Variants in MTMR3 observed in about 807,000 individuals in gnomAD.
MTMR3 encodes the protein phosphatidylinositol-3,5-bisphosphate 3-phosphatase MTMR3.
A neutral mutation model predicts 132.4 loss-of-function variants in MTMR3; 32 were observed. The ratio of observed to expected loss-of-function variants is 0.24; its 90% CI spans 0.18 to 0.32. The LOEUF is 0.32. Ranked by LOEUF, MTMR3 falls within the 10% of genes least tolerant of loss-of-function variation. The probability of loss-of-function intolerance (pLI) is 1.00; values close to 1 mark genes in which losing one functional copy is unlikely to be tolerated. For synonymous variants in MTMR3, 556 were observed against 550.3 expected (o/e 1.01, Z -0.14); for missense variants, 1,216 against 1,489.6 (o/e 0.82, Z 3.02).
chr22:29,911,552 T>C (rs1056790965), intron 1 of MTMR3, among the ~76,000 whole-genome samples: 2 of 150,786 alleles, frequency 1.3e-5, no homozygotes, highest in Non-Finnish European at 3.0e-5. Context: ...CAAAAAATTT[T>C]TTTTTAATTT....
intron 2 of MTMR3, among the ~76,000 whole-genome samples, chr22:29,959,814 A>G (rs1395600616): frequency 1.4e-5 from 2 of 147,970 alleles, no homozygotes; most frequent in African/African-American, 5.0e-5. Context: ...GTTGGAATGC[A>G]GTGGTGTGAT....
At chr22:29,980,164 A>ATC (rs1234720586) in intron 5 of MTMR3, 1 of 55,144 alleles carries the variant, frequency 1.8e-5, no homozygotes, top group Non-Finnish European at 3.3e-5. Flanking sequence ...ATTCTTTGAA[A>ATC]TCTTGTTCAT....
In MTMR3 at chr22:30,026,748, G is replaced by C. The variant is rs1004038949; in HGVS notation, c.*947G>C. The C allele has an allele frequency of 6.5e-6, 1 of 152,882 alleles. No homozygotes were observed. Among genetic ancestry groups the C allele is most frequent in the African/African-American group, 2.4e-5 (1 of 41,448 alleles). The allele number at this position is 152,882 out of a possible 1,614,324, so 9.5% of individuals were successfully genotyped here. A position where few individuals can be genotyped will look rare whatever the true frequency, so the allele number is the denominator to read the frequency against. On this transcript the variant is annotated 3_prime_UTR_variant, in exon 20 of 20. Transcript: ENST00000401950. ...CAGCACAGGGAAATCCAGACTCAGG[G>C]TTCCAGAAATCCCCCGTTCCCAAAC... is the stretch of plus-strand genomic sequence containing the variant.
At chr22:29,964,442 T>A (rs931199180) in intron 2 of MTMR3, among the ~76,000 whole-genome samples, 1 of 152,218 alleles carries the variant, frequency 6.6e-6, no homozygotes, top group Non-Finnish European at 1.5e-5. Context: ...TTGCACAGTT[T>A]CCTGTGATCT....
chr22:29,959,314 C>G (rs2066261406), intron 2 of MTMR3, among the ~76,000 whole-genome samples: 1 of 151,812 alleles, frequency 6.6e-6, no homozygotes, highest in Admixed American at 6.6e-5. Flanking sequence ...CTTCATTTAG[C>G]CAGGGGGGTG....
chr22:30,009,225 A>G (rs1368306923), intron 12 of MTMR3, 96 bp downstream of exon 12: 4 of 841,998 alleles, frequency 4.8e-6, no homozygotes, highest in Non-Finnish European at 3.9e-6. Flanking sequence ...AAAAAAAATT[A>G]ATTTGGAGCA....
chr22:29,969,653 C>T (rs1051283878), intron 2 of MTMR3, among the ~76,000 whole-genome samples: 8 of 151,912 alleles, frequency 5.3e-5, no homozygotes, highest in African/African-American at 1.9e-4. Context: ...GTCTTAGCCT[C>T]CCGAGTAGCT....
intron 1 of MTMR3, among the ~76,000 whole-genome samples, chr22:29,898,854 CT>C (rs750037923): frequency 6.7e-6 from 1 of 148,462 alleles, no homozygotes; most frequent in Non-Finnish European, 1.5e-5. Flanking sequence ...TGATTTTATT[CT>C]TTTTTATGGC....
At chr22:29,946,750 T>G (rs978493293) in intron 1 of MTMR3, among the ~76,000 whole-genome samples, 7 of 8,188 alleles carry the variant, frequency 8.5e-4, no homozygotes, top group African/African-American at 1.6e-3. Context: ...TTGGAAAAGT[T>G]TTTTTTTTTT....
At chr22:29,893,582 T>A (rs954937189) in intron 1 of MTMR3, among the ~76,000 whole-genome samples, 27 of 152,188 alleles carry the variant, frequency 1.8e-4, no homozygotes, top group African/African-American at 6.3e-4. Flanking sequence ...AAGTGTAACT[T>A]TACAATGAAG....
chr22:29,998,170 C>G (rs1385979766), intron 7 of MTMR3: 1 of 152,168 alleles, frequency 6.6e-6, no homozygotes, highest in Non-Finnish European at 1.5e-5. Flanking sequence ...TAATTTTGTC[C>G]TTTGTAAAAT....
intron 1 of MTMR3, among the ~76,000 whole-genome samples, chr22:29,934,602 A>C (rs985249391): frequency 6.6e-6 from 1 of 152,168 alleles, no homozygotes; most frequent in African/African-American, 2.4e-5. Context: ...ATAGATTGTA[A>C]TATTTGGAGA....
intron 1 of MTMR3, among the ~76,000 whole-genome samples, chr22:29,925,638 G>A (rs751781301): frequency 1.2e-4 from 18 of 152,064 alleles, no homozygotes; most frequent in Admixed American, 2.0e-4. Flanking sequence ...AACTAGGGCC[G>A]GGCATGGTGG....
rs113659932 is a variant in MTMR3, at chr22:29,892,616, C to A, written c.-138+9257C>A. 5.3e-3 allele frequency among the ~76,000 whole-genome samples: 813 copies of A among 152,144 alleles called. 6 individuals are homozygous for A. The highest frequency in any genetic ancestry group is 0.018 in the African/African-American group (759 of 41,514). ...TGATCTGTGGCTGCCTGCCCCCCAA[C>A]CCCTATAAATTATGACATCAGGAAA... is the stretch of plus-strand genomic sequence containing the variant. On this transcript the variant is annotated intron_variant, in intron 1 of 19. Transcript: ENST00000401950.
chr22:29,887,013 G>C (rs1336109626), intron 1 of MTMR3, among the ~76,000 whole-genome samples: 2 of 152,094 alleles, frequency 1.3e-5, no homozygotes, highest in Admixed American at 1.3e-4. Flanking sequence ...ATTCATACTG[G>C]ATTGAACTAG....
intron 5 of MTMR3, chr22:29,987,538 T>C (rs1045627514): frequency 1.3e-5 from 2 of 152,194 alleles, no homozygotes; most frequent in Non-Finnish European, 2.9e-5. Flanking sequence ...TCACTATTAT[T>C]TTACCAGGTT....
At chr22:29,895,187 G>T (rs938291739) in intron 1 of MTMR3, among the ~76,000 whole-genome samples, 1 of 151,898 alleles carries the variant, frequency 6.6e-6, no homozygotes, top group Non-Finnish European at 1.5e-5. Flanking sequence ...CAGCCTGGTT[G>T]ACAGAGGGAG....
chr22:30,016,439 G>A, intron 14 of MTMR3, 89 bp from the exon 15 acceptor site: 5 of 1,428,174 alleles, frequency 3.5e-6, no homozygotes, highest in Non-Finnish European at 4.8e-6. Context: ...GTGTTCTCAG[G>A]GATGTTAGGA....
rs1158517951 is a variant in MTMR3, at chr22:30,029,927, T to G, written c.*4126T>G. On this transcript the variant is annotated 3_prime_UTR_variant, in exon 20 of 20. Coordinates refer to ENST00000401950, the MANE Select transcript of MTMR3 (RefSeq NM_021090.4). ...GGGCAGGACCAGATATGTGAGAGAC[T>G]TCTAGTTCAGAGCTGACCCCTCTAA... 6.6e-6 allele frequency: 1 copy of G among 152,360 alleles called. No individual in the cohort carries two copies. Among genetic ancestry groups the G allele is most frequent in the Non-Finnish European group, 1.5e-5 (1 of 68,046 alleles). 9.4% of individuals were successfully genotyped at this position (152,360 alleles called of 1,614,324 possible). A position where few individuals can be genotyped will look rare whatever the true frequency, so the allele number is the denominator to read the frequency against.
Sources: gnomAD v4.1 joint callset for allele counts (sites outside exome capture counted in the v4.1 genomes callset) on GRCh38, gnomAD v4.1.1 for gene constraint, MANE v1.5 for transcripts, NCBI Gene and HGNC (gene_info 2026-07-23, HGNC 2026-07-21) for gene names.